The following SND1 variants were observed in gnomAD, a reference collection of about 807,000 sequenced individuals.
SND1 encodes the protein staphylococcal nuclease and tudor domain containing 1, also known as staphylococcal nuclease domain-containing protein 1.
A neutral mutation model predicts 121.7 loss-of-function variants in SND1; 38 were observed. That is an observed-to-expected ratio of 0.31 (90% CI 0.24 to 0.41). The LOEUF (loss-of-function observed/expected upper bound fraction) is 0.41. Ranked by LOEUF, SND1 falls within the 10% of genes least tolerant of loss-of-function variation. The pLI is 1.00. For missense variants in SND1, 868 were observed against 1,184.6 expected (o/e 0.73, Z 3.92); for synonymous variants, 401 against 447.4 (o/e 0.90, Z 1.31).
At chr7:127,833,386 C>T (rs1467863865) in intron 11 of SND1, among the ~76,000 whole-genome samples, 2 of 151,784 alleles carry the variant, frequency 1.3e-5, no homozygotes, top group Non-Finnish European at 2.9e-5. Context: ...ATGTCTCAGC[C>T]TCCCGAGTGC....
At chr7:127,720,583 C>T (rs1796476833) in intron 9 of SND1, among the ~76,000 whole-genome samples, 1 of 152,232 alleles carries the variant, frequency 6.6e-6, no homozygotes, top group African/African-American at 2.4e-5. Context: ...CCTTTGACTA[C>T]ATACCCTTGT....
chr7:127,729,401 T>G (rs1796634583), intron 10 of SND1, among the ~76,000 whole-genome samples: 1 of 151,672 alleles, frequency 6.6e-6, no homozygotes, highest in Non-Finnish European at 1.5e-5. Context: ...TATGAGATAC[T>G]GATTGCAGAG....
chr7:127,770,182 A>G (rs1353770310), intron 10 of SND1, among the ~76,000 whole-genome samples: 2 of 152,218 alleles, frequency 1.3e-5, no homozygotes, highest in Non-Finnish European at 2.9e-5. Context: ...TAGCACAACT[A>G]TAGAACTTAA....
chr7:127,708,404 T>C (rs1458992661), intron 9 of SND1, among the ~76,000 whole-genome samples: 1 of 66,858 alleles, frequency 1.5e-5, no homozygotes, highest in African/African-American at 4.7e-5. Flanking sequence ...CCTTCCTCCC[T>C]TCCTCCCTTC....
intron 15 of SND1, among the ~76,000 whole-genome samples, chr7:127,958,101 C>G (rs1801643675): frequency 6.6e-6 from 1 of 152,194 alleles, no homozygotes; most frequent in Non-Finnish European, 1.5e-5. Context: ...GGATACAAAG[C>G]AAACTATATG....
At chr7:127,988,574 A>G (rs2116912975) in intron 15 of SND1, among the ~76,000 whole-genome samples, 1 of 152,308 alleles carries the variant, frequency 6.6e-6, no homozygotes, top group East Asian at 1.9e-4. Flanking sequence ...TGTTTTCTCA[A>G]TTTAATCACT....
chr7:127,849,449 T>C (rs567108304), intron 12 of SND1, among the ~76,000 whole-genome samples: 6 of 152,334 alleles, frequency 3.9e-5, no homozygotes, highest in African/African-American at 1.4e-4. Context: ...TGTGTTCACA[T>C]TTAGAAAGGG....
At chr7:127,796,472 T>C (rs542603593) in intron 10 of SND1, among the ~76,000 whole-genome samples, 2 of 152,342 alleles carry the variant, frequency 1.3e-5, no homozygotes, top group African/African-American at 4.8e-5. Flanking sequence ...CTGGGCACTT[T>C]CTAGGTACCA....
intron 14 of SND1, among the ~76,000 whole-genome samples, chr7:127,911,067 G>T (rs1800442550): frequency 6.6e-6 from 1 of 152,218 alleles, no homozygotes; most frequent in African/African-American, 2.4e-5. Context: ...TGGGAGTGTT[G>T]GGTTATCCTG....
chr7:127,908,833 C>T (rs1227034416), intron 14 of SND1, among the ~76,000 whole-genome samples: 2 of 152,102 alleles, frequency 1.3e-5, no homozygotes, highest in African/African-American at 4.8e-5. Context: ...CTGTAGCCTG[C>T]TCCGTAATAA....
chr7:127,883,769 G>A (rs142066123), intron 12 of SND1, among the ~76,000 whole-genome samples: 1 of 152,294 alleles, frequency 6.6e-6, no homozygotes, highest in African/African-American at 2.4e-5. Flanking sequence ...GTCTGGAATA[G>A]TTCTTCAGTC....
At chr7:128,000,774 T>C (rs1356919250) in intron 16 of SND1, among the ~76,000 whole-genome samples, 1 of 152,224 alleles carries the variant, frequency 6.6e-6, no homozygotes, top group Non-Finnish European at 1.5e-5. Flanking sequence ...ATATCCCCTA[T>C]GGAATTACAT....
chr7:127,697,789 G>C (rs936160063), intron 3 of SND1, among the ~76,000 whole-genome samples: 1 of 152,160 alleles, frequency 6.6e-6, no homozygotes, highest in Non-Finnish European at 1.5e-5. Context: ...CTTGTGGGGC[G>C]GTGTATGTAC....
intron 13 of SND1, among the ~76,000 whole-genome samples, chr7:127,897,504 A>T (rs1800143831): frequency 6.6e-6 from 1 of 152,118 alleles, no homozygotes; most frequent in Non-Finnish European, 1.5e-5. Flanking sequence ...AATGGAGAAT[A>T]TATGTGGGTA....
chr7:127,775,417 C>A (rs1584563935), intron 10 of SND1, among the ~76,000 whole-genome samples: 1 of 120,188 alleles, frequency 8.3e-6, no homozygotes, highest in South Asian at 2.7e-4. Flanking sequence ...ATAAAAAAAA[C>A]ACACAGAGTT....
In SND1 at chr7:127,989,240, C is replaced by T. The variant is rs1445130591; in HGVS notation, c.1670-1707C>T. On this transcript the variant is annotated intron_variant, in intron 15 of 23. Transcript: ENST00000354725. The stretch of plus-strand genomic sequence containing the variant: ...CACTTGGGTGGGGCCTTCATCTGTC[C>T]CATCTTTTCAAGGGTGGCAGAATGG... 2.6e-5 allele frequency among the ~76,000 whole-genome samples: 4 copies of T among 152,270 alleles called. No individual in the cohort carries two copies. The East Asian group carries it at 7.7e-4, about 29-fold the overall frequency.
At chr7:127,687,134 C>T in intron 2 of SND1, 1 of 167,028 alleles carries the variant, frequency 6.0e-6, no homozygotes, top group Non-Finnish European at 1.3e-5. Context: ...CATTCATTTA[C>T]ATTGTTCAGA....
intron 9 of SND1, chr7:127,718,829 G>C (rs1371093922): frequency 4.1e-6 from 3 of 735,122 alleles, no homozygotes; most frequent in Admixed American, 6.3e-5. Context: ...AAAACGTCTA[G>C]ATATTTCTCG....
chr7:127,767,657 A>G lies in SND1; in HGVS notation c.1153-39827A>G, dbSNP rs563693314. Among the ~76,000 whole-genome samples the G allele has an allele frequency of 1.8e-3, 272 of 152,336 alleles. 1 individual carries two copies. Among genetic ancestry groups the G allele is most frequent in the African/African-American group, 6.3e-3 (260 of 41,570 alleles). ...TTCTAATAATGATTCTAACAAATCTATTAATTCTCTTCATTGATCAGTGCT... is the reference window on the plus strand; with the variant it reads ...TTCTAATAATGATTCTAACAAATCTGTTAATTCTCTTCATTGATCAGTGCT... On this transcript the variant is annotated intron_variant, in intron 10 of 23. Transcript: ENST00000354725.
Sources: gnomAD v4.1 joint callset for allele counts (sites outside exome capture counted in the v4.1 genomes callset) on GRCh38, gnomAD v4.1.1 for gene constraint, MANE v1.5 for transcripts, NCBI Gene and HGNC (gene_info 2026-07-23, HGNC 2026-07-21) for gene names.